The following PKHD1L1 variants were observed in gnomAD, a reference collection of about 807,000 sequenced individuals.
PKHD1L1 encodes the protein fibrocystin-L.
PKHD1L1 carries 434 observed loss-of-function variants against 462.9 expected under a neutral mutation model. The ratio of observed to expected loss-of-function variants is 0.94; its 90% confidence interval spans 0.87 to 1.02. PKHD1L1 has a LOEUF of 1.02. Ranked by LOEUF, PKHD1L1 falls within the 50% of genes least tolerant of loss-of-function variation. PKHD1L1 has a pLI of 0.00. For missense variants in PKHD1L1, 5,202 were observed against 5,096.1 expected (o/e 1.02, Z -0.63); for synonymous variants, 1,781 against 1,750.0 (o/e 1.02, Z -0.44).
intron 2 of PKHD1L1, among the ~76,000 whole-genome samples, chr8:109,377,681 A>T (rs1267656882): frequency 1.3e-5 from 2 of 152,196 alleles, no homozygotes; most frequent in African/African-American, 4.8e-5. Context: ...CCAAAGCAGT[A>T]AAATATATAA....
chr8:109,461,724 G>A (rs1234603187), intron 47 of PKHD1L1, 48 bp from the exon 48 acceptor site: 2 of 1,557,476 alleles, frequency 1.3e-6, no homozygotes, highest in Non-Finnish European at 1.7e-6. Flanking sequence ...TTCAATATAA[G>A]AGGATTCCGA....
chr8:109,438,864 T>C (rs1815599002), intron 31 of PKHD1L1, 33 bp from the exon 32 acceptor site: 1 of 1,466,826 alleles, frequency 6.8e-7, no homozygotes. Flanking sequence ...AAGTTGAACT[T>C]TTTGCATTAT....
At chr8:109,476,693 A>G (rs774886593) in intron 52 of PKHD1L1, 26 bp downstream of exon 52, 177 of 1,561,350 alleles carry the variant, frequency 1.1e-4, no homozygotes, top group Non-Finnish European at 1.5e-4. Flanking sequence ...CAGAAATGAT[A>G]GTTTATCTAA....
chr8:109,397,167 A>G (rs185161129), intron 11 of PKHD1L1, among the ~76,000 whole-genome samples: 1 of 152,336 alleles, frequency 6.6e-6, no homozygotes, highest in Admixed American at 6.5e-5. Context: ...ACTATCATAC[A>G]GTTGATATGA....
At chr8:109,407,865 A>G (rs1262991571) in intron 17 of PKHD1L1, among the ~76,000 whole-genome samples, 184 bp from the exon 18 acceptor site, 1 of 152,102 alleles carries the variant, frequency 6.6e-6, no homozygotes, top group Non-Finnish European at 1.5e-5. Flanking sequence ...GCTATGGATA[A>G]ATCTGCTCAA....
intron 51 of PKHD1L1, 47 bp from the exon 52 acceptor site, chr8:109,476,461 C>T (rs766783443): frequency 6.2e-5 from 76 of 1,217,142 alleles, no homozygotes; most frequent in Middle Eastern, 2.7e-4. Flanking sequence ...ATGTGTTATA[C>T]GAAGAATATT....
chr8:109,449,284 G>A, intron 39 of PKHD1L1, 54 bp from the exon 40 acceptor site: 1 of 1,486,130 alleles, frequency 6.7e-7, no homozygotes, highest in Middle Eastern at 1.7e-4. Context: ...TATGTACACA[G>A]AAGAAGTTTT....
intron 47 of PKHD1L1, among the ~76,000 whole-genome samples, chr8:109,460,216 C>T (rs1817043061): frequency 6.6e-6 from 1 of 152,110 alleles, no homozygotes; most frequent in Non-Finnish European, 1.5e-5. Context: ...CAAGAAACTG[C>T]ATTATTTATA....
intron 59 of PKHD1L1, among the ~76,000 whole-genome samples, chr8:109,489,537 C>T (rs1201410549): frequency 6.6e-6 from 1 of 151,888 alleles, no homozygotes; most frequent in Non-Finnish European, 1.5e-5. Flanking sequence ...CTCTTTATGG[C>T]ATCAAAAGGG....
chr8:109,494,357 G>A (rs550800469), intron 63 of PKHD1L1, among the ~76,000 whole-genome samples: 4 of 151,920 alleles, frequency 2.6e-5, no homozygotes, highest in South Asian at 2.1e-4. Context: ...TCACATGTGC[G>A]TTTACCTTTA....
At chr8:109,479,306 T>C (rs1818152800) in intron 53 of PKHD1L1, among the ~76,000 whole-genome samples, 2 of 152,052 alleles carry the variant, frequency 1.3e-5, no homozygotes, top group Admixed American at 6.6e-5. Flanking sequence ...CATTGGTGCA[T>C]CCTCGTCAAC....
intron 12 of PKHD1L1, 145 bp from the exon 13 acceptor site, chr8:109,399,930 TA>T: frequency 1.2e-6 from 1 of 811,882 alleles, no homozygotes; most frequent in Non-Finnish European, 1.9e-6. Flanking sequence ...CAGATACGTG[TA>T]GGGGAATGTG....
At chr8:109,371,088 C>T (rs1287323504) in intron 2 of PKHD1L1, among the ~76,000 whole-genome samples, 16 of 152,292 alleles carry the variant, frequency 1.1e-4, no homozygotes, top group Admixed American at 4.6e-4. Context: ...CACTGACTTC[C>T]GCAATGGTTG....
intron 50 of PKHD1L1, chr8:109,470,489 C>T: frequency 1.2e-6 from 2 of 1,609,988 alleles, no homozygotes; most frequent in South Asian, 2.2e-5. Flanking sequence ...GAGGAAGCAT[C>T]ACAGCAACTG....
intron 47 of PKHD1L1, among the ~76,000 whole-genome samples, chr8:109,460,345 G>A (rs919306210): frequency 2.0e-5 from 3 of 152,110 alleles, no homozygotes; most frequent in African/African-American, 7.2e-5. Context: ...AGAACAGTGT[G>A]AGAGTGGGTT....
chr8:109,364,509 G>A, intron 1 of PKHD1L1, 38 bp from the exon 2 acceptor site: 2 of 1,360,158 alleles, frequency 1.5e-6, no homozygotes, highest in Non-Finnish European at 2.0e-6. Context: ...TGAAGAACTT[G>A]GTGATTTTTA....
chr8:109,442,325 T>A, intron 35 of PKHD1L1, 130 bp downstream of exon 35: 2 of 883,990 alleles, frequency 2.3e-6, no homozygotes, highest in Non-Finnish European at 3.3e-6. Flanking sequence ...TATTTGGCAT[T>A]TTATTGCTGC....
chr8:109,378,531 T>C (rs1459979203), intron 2 of PKHD1L1, among the ~76,000 whole-genome samples: 2 of 152,194 alleles, frequency 1.3e-5, no homozygotes. Context: ...GATATCCTCA[T>C]GGCTTGCTAC....
chr8:109,527,071 GT>G, intron 77 of PKHD1L1, 51 bp downstream of exon 77: 1 of 1,439,980 alleles, frequency 6.9e-7, no homozygotes, highest in Non-Finnish European at 9.6e-7. Context: ...AAGTACCAGT[GT>G]TTACTGGATA....
Sources: allele counts gnomAD v4.1 joint callset (sites outside exome capture counted in the v4.1 genomes callset), GRCh38; gene constraint gnomAD v4.1.1; transcripts MANE v1.5; gene names NCBI Gene and HGNC (gene_info 2026-07-23, HGNC 2026-07-21).